LRRC8A: variants seen among roughly 807,000 people sequenced by gnomAD.
The protein encoded by LRRC8A is leucine rich repeat containing 8 VRAC subunit A.
In LRRC8A, 24 loss-of-function variants were observed where a neutral mutation model predicts 52.5. The observed-to-expected ratio is 0.46, with a 90% confidence interval of 0.33 to 0.64. The LOEUF is 0.64. Ranked by LOEUF, LRRC8A falls within the 30% of genes least tolerant of loss-of-function variation. The pLI is 0.02. For missense variants in LRRC8A, 677 were observed against 1,094.7 expected, an observed-to-expected ratio of 0.62 and a Z score of 5.38; for synonymous variants, 492 against 494.2, an observed-to-expected ratio of 1.00 and a Z score of 0.06.
intron 3 of LRRC8A, among the ~76,000 whole-genome samples, chr9:128,912,513 G>GT (rs397729555): frequency 3.3e-5 from 4 of 122,694 alleles, no homozygotes; most frequent in African/African-American, 8.9e-5. Flanking sequence ...ATGGGGGGGG[G>GT]TGTGGATGGC....
chr9:128,891,299 A>C (rs1305476192), intron 2 of LRRC8A, among the ~76,000 whole-genome samples: 1 of 151,202 alleles, frequency 6.6e-6, no homozygotes, highest in Non-Finnish European at 1.5e-5. Context: ...GTGTGGTGGC[A>C]TGTGCATGTA....
At chr9:128,882,626 C>T (rs995124895) in intron 1 of LRRC8A, 5 of 398,740 alleles carry the variant, frequency 1.3e-5, no homozygotes, top group Middle Eastern at 1.2e-3. Flanking sequence ...CCTCTGGGCT[C>T]TCTCCTTGCC....
At chr9:128,882,292 C>T (rs1420756582) in intron 1 of LRRC8A, 42 bp downstream of exon 1, 1 of 155,444 alleles carries the variant, frequency 6.4e-6, no homozygotes, top group Non-Finnish European at 1.4e-5. Context: ...GCTGTCACCT[C>T]TCGAAACCCA....
At chr9:128,905,698 C>G (rs1840217998) in intron 2 of LRRC8A, among the ~76,000 whole-genome samples, 2 of 152,002 alleles carry the variant, frequency 1.3e-5, no homozygotes, top group African/African-American at 4.8e-5. Flanking sequence ...ACAAAAATTA[C>G]CTGGGCATGG....
chr9:128,915,891 G>A (rs1349743206), intron 3 of LRRC8A, among the ~76,000 whole-genome samples: 1 of 152,210 alleles, frequency 6.6e-6, no homozygotes, highest in Admixed American at 6.5e-5. Context: ...AGGAGATCAG[G>A]GAAGGCTTCC....
Position 128,916,012 on chromosome 9 carries a change from C to T in LRRC8A, c.2158-84C>T. ...TGGGGATCAGAAAAGATGCTGAGAT[C>T]TTGGGGAGAGAGGGAAGGGAAGCCC... On this transcript the variant is annotated intron_variant, in intron 3 of 3. Transcript: ENST00000372600. The surrounding 1 kb of genome is among the most constrained non-coding windows in gnomAD (Gnocchi z 6.1). 1 of 1,481,234 alleles carries T rather than the reference C, an allele frequency of 6.8e-7. No individual in the cohort carries two copies. The highest frequency in any genetic ancestry group is 9.1e-7 in the Non-Finnish European group (1 of 1,095,818). 91.8% of individuals were successfully genotyped at this position (1,481,234 alleles called of 1,614,324 possible).
At chr9:128,890,327 C>T (rs760860908) in intron 2 of LRRC8A, among the ~76,000 whole-genome samples, 33 of 152,122 alleles carry the variant, frequency 2.2e-4, no homozygotes, top group Non-Finnish European at 4.4e-4. Flanking sequence ...TACATCTAAA[C>T]GTCTCTTGAG....
chr9:128,908,460 G>T lies in LRRC8A; in HGVS notation c.1296G>T (p.Leu432=). 1 of 1,613,220 alleles carries T rather than the reference G, an allele frequency of 6.2e-7. No homozygotes were observed. The highest frequency in any genetic ancestry group is 8.5e-7 in the Non-Finnish European group (1 of 1,180,002). Residue 432 remains leucine (L), a synonymous_variant, in exon 3 of 4, where the codon CTG becomes CTT. Transcript: ENST00000372600. Reference sequence around the variant, plus strand: ...CGCAGGACAAGCTGGAGCTGCACCTGTTCATGCTCAGTGGCATCCCTGACA... The same window carrying T: ...CGCAGGACAAGCTGGAGCTGCACCTTTTCATGCTCAGTGGCATCCCTGACA... ...KNAQDKLELH[L]FMLSGIPDTV...
intron 1 of LRRC8A, among the ~76,000 whole-genome samples, chr9:128,885,734 G>A (rs1007855532): frequency 9.2e-5 from 14 of 152,186 alleles, no homozygotes; most frequent in South Asian, 2.1e-4. Context: ...ATGGGGAAAC[G>A]CTGTCTCTAC....
At chr9:128,895,351 C>A (rs773646764) in intron 2 of LRRC8A, among the ~76,000 whole-genome samples, 45 of 152,132 alleles carry the variant, frequency 3.0e-4, no homozygotes, top group Non-Finnish European at 6.0e-4. Context: ...AAGACTGTCT[C>A]CAAGATAAAA....
At chr9:128,898,495 T>C (rs551898686) in intron 2 of LRRC8A, among the ~76,000 whole-genome samples, 1 of 152,242 alleles carries the variant, frequency 6.6e-6, no homozygotes, top group Non-Finnish European at 1.5e-5. Flanking sequence ...GAATGCACTT[T>C]TCATTCACTC....
rs1840061229 is a variant in LRRC8A at position 128,902,400 on chromosome 9, A to G, written c.-8-4757A>G. On this transcript the variant is annotated intron_variant, in intron 2 of 3. Transcript: ENST00000372600. This position sits in a 1 kb window ranked among gnomAD's most constrained non-coding sequence, Gnocchi z 4.1. ...GAGCTGGGAACACTTCCTGCCTCAG[A>G]AGGAGGAGTCTGGGTGGTACAGACA... 1.3e-5 allele frequency among the ~76,000 whole-genome samples: 2 copies of G among 152,018 alleles called. No individual in the cohort carries two copies. Among genetic ancestry groups the G allele is most frequent in the African/African-American group, 4.8e-5 (2 of 41,376 alleles).
chr9:128,900,211 C>T (rs1254497336), intron 2 of LRRC8A, among the ~76,000 whole-genome samples: 1 of 152,218 alleles, frequency 6.6e-6, no homozygotes, highest in East Asian at 1.9e-4. Context: ...GGCCTCTCCA[C>T]CACACCGGGG....
At chr9:128,904,955 A>G (rs147636038) in intron 2 of LRRC8A, among the ~76,000 whole-genome samples, 2,348 of 145,300 alleles carry the variant, frequency 0.016, 44 homozygotes, top group African/African-American at 0.051. Flanking sequence ...CCAAGATCGC[A>G]CCACTGCACT....
At chr9:128,900,585 A>G (rs1839987052) in intron 2 of LRRC8A, among the ~76,000 whole-genome samples, 1 of 151,620 alleles carries the variant, frequency 6.6e-6, no homozygotes, top group African/African-American at 2.4e-5. Flanking sequence ...GTGGGCGCCT[A>G]TAATCCTAGC....
rs1318057805 is a variant in LRRC8A, at chr9:128,911,251, C to G, written c.2157+1930C>G. ...TTGGAAGCCTTCCTCCCCTCTTCCC[C>G]AGGGCTCCCTTACTGCAGAGCAACC... On this transcript the variant is annotated intron_variant, in intron 3 of 3. Transcript: ENST00000372600. This position sits in a 1 kb window ranked among gnomAD's most constrained non-coding sequence, Gnocchi z 4.9. Among the ~76,000 whole-genome samples the G allele has an allele frequency of 2.0e-5, 3 of 152,138 alleles. No individual in the cohort carries two copies. The highest frequency in any genetic ancestry group is 4.4e-5 in the Non-Finnish European group (3 of 68,012).
intron 2 of LRRC8A, among the ~76,000 whole-genome samples, chr9:128,898,898 C>A (rs955833144): frequency 6.6e-6 from 1 of 152,242 alleles, no homozygotes; most frequent in African/African-American, 2.4e-5. Context: ...TTGTCACCTT[C>A]CGCCATGTTA....
chr9:128,886,757 T>C (rs1209572356), intron 2 of LRRC8A, among the ~76,000 whole-genome samples: 1 of 152,224 alleles, frequency 6.6e-6, no homozygotes, highest in African/African-American at 2.4e-5. Flanking sequence ...GCAGAGTGCA[T>C]GTCCTAGAAG....
chr9:128,913,765 C>A (rs1307314698), intron 3 of LRRC8A, among the ~76,000 whole-genome samples: 1 of 152,152 alleles, frequency 6.6e-6, no homozygotes, highest in Non-Finnish European at 1.5e-5. Context: ...AGGCTCTGGC[C>A]CCTGGGTGCT....
Sources: allele counts gnomAD v4.1 joint callset (sites outside exome capture counted in the v4.1 genomes callset), GRCh38; gene constraint gnomAD v4.1.1; non-coding constraint Gnocchi (gnomAD v3.1); transcripts MANE v1.5; gene names NCBI Gene and HGNC (gene_info 2026-07-23, HGNC 2026-07-21).